The following CDC73 variants were observed in gnomAD, a reference collection of about 807,000 sequenced individuals.
The protein encoded by CDC73 is cell division cycle 73.
Under a neutral mutation model 83.7 loss-of-function variants are expected in CDC73, and 21 were observed. That is an observed-to-expected ratio of 0.25 (90% confidence interval 0.18 to 0.36). CDC73 has a LOEUF of 0.36. Among genes scored for constraint, CDC73 ranks in the 10% least tolerant of loss-of-function variants. CDC73 has a pLI of 1.00. For synonymous variants in CDC73, 224 were observed against 212.9 expected, an observed-to-expected ratio of 1.05 and a Z score of -0.45; for missense variants, 342 against 653.3, an observed-to-expected ratio of 0.52 and a Z score of 5.19.
At chr1:193,240,175 C>T (rs549705123) in intron 15 of CDC73, among the ~76,000 whole-genome samples, 1 of 152,274 alleles carries the variant, frequency 6.6e-6, no homozygotes, top group South Asian at 2.1e-4. Flanking sequence ...CTGTCCATGT[C>T]GCCTTGCCAC....
At chr1:193,141,806 C>T in intron 6 of CDC73, 44 bp from the exon 7 acceptor site, 5 of 1,209,202 alleles carry the variant, frequency 4.1e-6, no homozygotes, top group Non-Finnish European at 6.1e-6. Context: ...TGATACACTC[C>T]AGGAATGCCT....
chr1:193,212,141 T>TA, intron 12 of CDC73, 41 bp downstream of exon 12: 1 of 1,458,942 alleles, frequency 6.9e-7, no homozygotes, highest in Non-Finnish European at 9.5e-7. Context: ...CTTTAAAAAG[T>TA]AAATGATTGC....
At chr1:193,158,727 A>G (rs569744761) in intron 10 of CDC73, among the ~76,000 whole-genome samples, 1 of 152,272 alleles carries the variant, frequency 6.6e-6, no homozygotes, top group African/African-American at 2.4e-5. Context: ...GAGTGGTTCT[A>G]TCATGTGTCC....
intron 15 of CDC73, among the ~76,000 whole-genome samples, chr1:193,239,480 T>A (rs1413019836): frequency 6.6e-6 from 1 of 152,218 alleles, no homozygotes; most frequent in Non-Finnish European, 1.5e-5. Context: ...GATTAAATAC[T>A]GATTTGCATA....
intron 10 of CDC73, among the ~76,000 whole-genome samples, chr1:193,164,929 A>G (rs955323432): frequency 2.5e-4 from 38 of 152,360 alleles, no homozygotes; most frequent in African/African-American, 8.7e-4. Flanking sequence ...GATTTATCAC[A>G]GGAGAGGTGA....
At chr1:193,122,593 A>T in intron 1 of CDC73, 1 of 454,966 alleles carries the variant, frequency 2.2e-6, no homozygotes, top group East Asian at 4.0e-5. Flanking sequence ...TTTACAGTTA[A>T]TTTTTATCAG....
At chr1:193,185,860 T>C (rs1676797451) in intron 10 of CDC73, among the ~76,000 whole-genome samples, 1 of 152,190 alleles carries the variant, frequency 6.6e-6, no homozygotes, top group African/African-American at 2.4e-5. Context: ...ACAGCTTGTC[T>C]TCTAAACAAT....
chr1:193,249,758 A>T lies in CDC73; in HGVS notation c.1446A>T (p.Glu482Asp), dbSNP rs1387746447. ...AAGCCTTCCATCTGAAGTATGATGA[A>T]GTTCGTCTGGATCCAAATGTTCAGA... ...KIKAFHLKYD[E>D]VRLDPNVQKW... Residue 482 changes from glutamate (E) to aspartate (D), a missense_variant, in exon 16 of 17, where the codon GAA (glutamate) becomes GAT (aspartate). Physicochemically the swap from Glu to Asp is conservative, Grantham distance 45. Transcript: ENST00000367435. 6.2e-7 allele frequency: 1 copy of T among 1,609,900 alleles called. No individual in the cohort carries two copies. The highest frequency in any genetic ancestry group is 1.1e-5 in the South Asian group (1 of 91,002).
chr1:193,158,403 T>C lies in CDC73; in HGVS notation c.972+5959T>C, dbSNP rs191570039. Among the ~76,000 whole-genome samples the C allele has an allele frequency of 2.6e-5, 4 of 152,096 alleles. No individual in the cohort carries two copies. The East Asian group carries it at 7.7e-4, about 29-fold the overall frequency. On this transcript the variant is annotated intron_variant, in intron 10 of 16. Transcript: ENST00000367435. The stretch of plus-strand genomic sequence containing the variant: ...TCTGGACAGGATGGTGGCTCACAGC[T>C]ATAATCCTAGAACTTTGGGAGGCTG...
At chr1:193,223,214 GT>G (rs1257614187) in intron 13 of CDC73, among the ~76,000 whole-genome samples, 18 of 142,208 alleles carry the variant, frequency 1.3e-4, no homozygotes, top group Admixed American at 3.0e-4. Flanking sequence ...TGTGGGTTTA[GT>G]TTTTTACTGT....
chr1:193,155,737 A>G (rs2103136211), intron 10 of CDC73, among the ~76,000 whole-genome samples: 1 of 152,280 alleles, frequency 6.6e-6, no homozygotes, highest in South Asian at 2.1e-4. Context: ...GGATTATGCC[A>G]CTGCACTCCA....
At chr1:193,148,382 G>C (rs907888479) in intron 8 of CDC73, among the ~76,000 whole-genome samples, 4 of 152,102 alleles carry the variant, frequency 2.6e-5, no homozygotes, top group African/African-American at 9.7e-5. Context: ...CACCAGCCAT[G>C]CTGTCCTTTA....
intron 2 of CDC73, among the ~76,000 whole-genome samples, chr1:193,126,689 A>C (rs1675579349): frequency 6.6e-6 from 1 of 152,220 alleles, no homozygotes; most frequent in African/African-American, 2.4e-5. Flanking sequence ...ACAAGTATAC[A>C]CTTAAAATTA....
chr1:193,135,480 A>G, intron 4 of CDC73, 27 bp downstream of exon 4: 2 of 1,609,590 alleles, frequency 1.2e-6, no homozygotes, highest in Non-Finnish European at 1.7e-6. Flanking sequence ...ATTTATATTG[A>G]ACTTTCAGAA....
intron 15 of CDC73, among the ~76,000 whole-genome samples, chr1:193,244,579 G>A (rs1008194959): frequency 5.9e-5 from 9 of 152,140 alleles, no homozygotes; most frequent in African/African-American, 1.9e-4. Context: ...AAACAAAGTA[G>A]CAAGTGTAAC....
At chr1:193,245,398 G>C (rs1014833496) in intron 15 of CDC73, among the ~76,000 whole-genome samples, 1 of 152,006 alleles carries the variant, frequency 6.6e-6, no homozygotes, top group Non-Finnish European at 1.5e-5. Flanking sequence ...TTTCTGGCTT[G>C]TTTCACTTAA....
chr1:193,150,399 T>G lies in CDC73; in HGVS notation c.907+17T>G. ...GAAAAGAAGGCAAGTTGCTTAATTC[T>G]TATCTTCCCCTTAGTGTGGTTGTGT... On this transcript the variant is annotated intron_variant, in intron 9 of 16. Coordinates refer to ENST00000367435, the MANE Select transcript of CDC73 (RefSeq NM_024529.5). 6.5e-7 allele frequency: 1 copy of G among 1,528,774 alleles called. No individual in the cohort carries two copies. The highest frequency in any genetic ancestry group is 1.1e-5 in the South Asian group (1 of 89,446). 94.7% of individuals were successfully genotyped at this position (1,528,774 alleles called of 1,614,324 possible).
chr1:193,231,481 A>G (rs1677662361), intron 13 of CDC73, among the ~76,000 whole-genome samples: 3 of 152,178 alleles, frequency 2.0e-5, no homozygotes, highest in Admixed American at 6.5e-5. Flanking sequence ...TTTTATTAGA[A>G]TGCAATTTCA....
At chr1:193,212,506 G>C (rs370135535) in intron 13 of CDC73, 29 bp downstream of exon 13, 13 of 1,266,730 alleles carry the variant, frequency 1.0e-5, no homozygotes, top group Non-Finnish European at 1.5e-5. Context: ...TATCCTGTAC[G>C]TAGGATATTG....
Sources: allele counts gnomAD v4.1 joint callset (sites outside exome capture counted in the v4.1 genomes callset), GRCh38; gene constraint gnomAD v4.1.1; transcripts MANE v1.5; gene names NCBI Gene and HGNC (gene_info 2026-07-23, HGNC 2026-07-21).